Variants in EMC1 observed in about 807,000 individuals in gnomAD.
EMC1 encodes ER membrane protein complex subunit 1.
Under a neutral mutation model 128.8 loss-of-function variants are expected in EMC1, and 103 were observed. The observed-to-expected ratio is 0.80, with a 90% CI of 0.68 to 0.94. The LOEUF (loss-of-function observed/expected upper bound fraction) is 0.94, where lower values mean the gene tolerates loss of function less well. EMC1 is among the 40% of genes least tolerant of loss of function. EMC1 has a pLI of 0.00. For missense variants in EMC1, 1,083 were observed against 1,250.6 expected (o/e 0.87, Z 2.02); for synonymous variants, 442 against 490.4 (o/e 0.90, Z 1.30).
chr1:19,243,766 T>C (rs1183613476), intron 3 of EMC1, 59 bp from the exon 4 acceptor site: 1 of 1,568,138 alleles, frequency 6.4e-7, no homozygotes, highest in East Asian at 2.2e-5. Context: ...CTTCCTAGGG[T>C]CCCACTGTGA....
At chr1:19,224,887 G>T (rs528413434) in intron 18 of EMC1, among the ~76,000 whole-genome samples, 1 of 152,140 alleles carries the variant, frequency 6.6e-6, no homozygotes, top group South Asian at 2.1e-4. Flanking sequence ...CACATACCAG[G>T]AGCACTTTGA....
chr1:19,223,655 T>G, intron 18 of EMC1, 86 bp from the exon 19 acceptor site: 18 of 1,257,906 alleles, frequency 1.4e-5, no homozygotes, highest in Non-Finnish European at 2.0e-5. Context: ...CCTGGAGCTC[T>G]CCAGCCTGGC....
chr1:19,237,945 C>A, intron 11 of EMC1, 72 bp downstream of exon 11: 1 of 1,563,242 alleles, frequency 6.4e-7, no homozygotes. Flanking sequence ...TGGCTAAGAC[C>A]TGGCCCTGAG....
At position 19,250,519 on chromosome 1, in the gene EMC1, A is replaced by G. The variant is rs538121998; in HGVS notation, c.95+896T>C. On this transcript the variant is annotated intron_variant, in intron 1 of 22. Transcript: ENST00000477853. ...TGTTTTATTTGTCACACTGTCTGGCATAACAGGTACTCAACATATATGCGA... is the reference window on the plus strand; with the variant it reads ...TGTTTTATTTGTCACACTGTCTGGCGTAACAGGTACTCAACATATATGCGA... 1.6e-3 allele frequency among the ~76,000 whole-genome samples: 242 copies of G among 152,354 alleles called. 1 individual carries two copies. Among genetic ancestry groups the G allele is most frequent in the African/African-American group, 5.7e-3 (236 of 41,584 alleles).
rs1245710971 is a variant in EMC1, at chr1:19,229,000, C to T, written c.2065-1550G>A. ...CAGAGGTTGCAGTGAGCTGAGACTG[C>T]GCCCCTGCACTCCAGCCTGGGTGAC... On this transcript the variant is annotated intron_variant, in intron 17 of 22. Coordinates refer to ENST00000477853, the MANE Select transcript of EMC1 (RefSeq NM_015047.3). Among the ~76,000 whole-genome samples, 5 of 152,242 alleles carry T rather than the reference C, an allele frequency of 3.3e-5. No homozygotes were observed. The South Asian group carries it at 6.2e-4, about 19-fold the overall frequency.
intron 6 of EMC1, 125 bp from the exon 7 acceptor site, chr1:19,240,571 G>T: frequency 1.8e-6 from 2 of 1,086,256 alleles, no homozygotes; most frequent in African/African-American, 1.6e-5. Context: ...TTCATGGTTG[G>T]TTGTATAGGA....
intron 1 of EMC1, among the ~76,000 whole-genome samples, chr1:19,245,627 C>CTCTTTTTTT: frequency 8.1e-6 from 1 of 123,112 alleles, no homozygotes; most frequent in African/African-American, 3.4e-5. Flanking sequence ...CCTTACCTTT[C>CTCTTTTTTT]TTTTTTTTTT....
Position 19,231,412 on chromosome 1 carries a change from A to C in EMC1, c.1793T>G (p.Met598Arg). ...GGGATTGAAGACATACAGAGAACTC[A>C]TTCCCGACTCCTAAAATGAGCAAAC... is the stretch of plus-strand genomic sequence containing the variant. Reference protein sequence around the residue: ...TLLVKDKESGMSSLYVFNPIF... With the variant: ...TLLVKDKESGRSSLYVFNPIF... The change falls in exon 16 of 23, where the codon ATG becomes AGG. Residue 598 changes from methionine to arginine, a missense_variant. By Grantham distance (91) the Met-to-Arg change is moderately conservative. Transcript: ENST00000477853. The C allele has an allele frequency of 2.5e-6, 4 of 1,611,982 alleles. No homozygotes were observed. The highest frequency in any genetic ancestry group is 2.5e-6 in the Non-Finnish European group (3 of 1,179,520).
intron 17 of EMC1, among the ~76,000 whole-genome samples, chr1:19,230,630 T>C (rs544682136): frequency 6.6e-6 from 1 of 152,126 alleles, no homozygotes; most frequent in East Asian, 1.9e-4. Context: ...TTTGTTCTAC[T>C]GTGCACCACT....
chr1:19,238,996 C>T (rs570746092), intron 9 of EMC1, 139 bp from the exon 10 acceptor site: 1 of 755,452 alleles, frequency 1.3e-6, no homozygotes, highest in Non-Finnish European at 2.3e-6. Flanking sequence ...AAAGCCTATT[C>T]AACCCTTAAT....
intron 11 of EMC1, 145 bp downstream of exon 11, chr1:19,237,872 C>T: frequency 9.5e-7 from 1 of 1,049,042 alleles, no homozygotes; most frequent in Non-Finnish European, 1.3e-6. Context: ...ACTGTGACTT[C>T]TAACAAGTCA....
At chr1:19,237,944 C>T in intron 11 of EMC1, 73 bp downstream of exon 11, 2 of 1,562,024 alleles carry the variant, frequency 1.3e-6, no homozygotes, top group Non-Finnish European at 1.7e-6. Flanking sequence ...ATGGCTAAGA[C>T]CTGGCCCTGA....
chr1:19,234,572 C>T (rs1181765314), intron 13 of EMC1, among the ~76,000 whole-genome samples: 1 of 152,200 alleles, frequency 6.6e-6, no homozygotes, highest in Non-Finnish European at 1.5e-5. Context: ...TCCCCCCAGG[C>T]GCAGCAGCTC....
rs1291863105 is a variant in EMC1, at chr1:19,233,119, CA to C, written c.1448del (p.Met483SerfsTer3). 1 of 1,613,994 alleles carries C rather than the reference CA, an allele frequency of 6.2e-7. No individual in the cohort carries two copies. The highest frequency in any genetic ancestry group is 1.7e-5 in the Admixed American group (1 of 60,016). On this transcript the variant is annotated frameshift_variant, in exon 14 of 23. Transcript: ENST00000477853. LOFTEE classifies it high-confidence loss of function. ...FGKKADGLLG[M>X]FLKRLSSQLI... is the part of the protein sequence containing the mutation. ...GCTGAGACGAGAGGCGTTTCAGGAA[CA>C]TCCCCAGCAAGCCATCTGGTGTAAA...
intron 1 of EMC1, among the ~76,000 whole-genome samples, 184 bp from the exon 2 acceptor site, chr1:19,245,214 G>A (rs769291833): frequency 6.6e-6 from 1 of 152,176 alleles, no homozygotes; most frequent in Non-Finnish European, 1.5e-5. Context: ...GAGGCAGGCA[G>A]ATCACCTGAG....
chr1:19,243,344 T>C (rs907821865), intron 4 of EMC1, among the ~76,000 whole-genome samples: 1 of 152,204 alleles, frequency 6.6e-6, no homozygotes, highest in Admixed American at 6.5e-5. Flanking sequence ...TGTTCTTATA[T>C]CTGGAACATT....
In EMC1 at chr1:19,223,603, C is replaced by T. The variant is rs199598450; in HGVS notation, c.2203-34G>A. On this transcript the variant is annotated intron_variant, in intron 18 of 22. Coordinates refer to ENST00000477853, the MANE Select transcript of EMC1 (RefSeq NM_015047.3). The stretch of plus-strand genomic sequence containing the variant: ...AGAGAGAAAACCTCCCTTAGAACCA[C>T]GACGACTCATCACACACTCCATTCC... The T allele has an allele frequency of 7.5e-4, 1,204 of 1,603,538 alleles. 6 individuals are homozygous for T. In the African/African-American group the frequency reaches 0.013, roughly 18 times the overall value.
chr1:19,222,212 C>T (rs1246129240), intron 20 of EMC1, among the ~76,000 whole-genome samples: 1 of 152,134 alleles, frequency 6.6e-6, no homozygotes, highest in East Asian at 1.9e-4. Context: ...GTAATCCCAA[C>T]ACTTCAGGAG....
intron 21 of EMC1, 133 bp from the exon 22 acceptor site, chr1:19,219,831 A>G: frequency 2.1e-6 from 2 of 948,534 alleles, no homozygotes. Context: ...TGCTTGCATT[A>G]GGTAGTTAAA....
Sources: gnomAD v4.1 joint callset for allele counts (sites outside exome capture counted in the v4.1 genomes callset) on GRCh38, gnomAD v4.1.1 for gene constraint, MANE v1.5 for transcripts, NCBI Gene and HGNC (gene_info 2026-07-23, HGNC 2026-07-21) for gene names.